The following DPH6 variants were observed in gnomAD, a reference collection of about 807,000 sequenced individuals.
DPH6 encodes the protein diphthine--ammonia ligase.
A neutral mutation model predicts 38.2 loss-of-function variants in DPH6; 33 were observed. The ratio of observed to expected loss-of-function variants is 0.86; its 90% confidence interval spans 0.65 to 1.15. The LOEUF is 1.15. Among genes scored for constraint, DPH6 ranks in the 50% most tolerant of loss-of-function variants. The pLI is 0.00. For missense variants in DPH6, 325 were observed against 320.0 expected, an observed-to-expected ratio of 1.02 and a Z score of -0.12; for synonymous variants, 108 against 103.0, an observed-to-expected ratio of 1.05 and a Z score of -0.30.
At chr15:35,303,186 G>T (rs1004657348) in intron 3 of DPH6, among the ~76,000 whole-genome samples, 2 of 152,040 alleles carry the variant, frequency 1.3e-5, no homozygotes, top group Non-Finnish European at 2.9e-5. Flanking sequence ...TGCTGTGGCA[G>T]GGTGCTCCAG....
the DPH6 span, among the ~76,000 whole-genome samples, chr15:35,172,343 C>T: frequency 5.2e-4 from 79 of 152,294 alleles, no homozygotes; most frequent in African/African-American, 1.9e-3. Flanking sequence ...CATTTTCTTA[C>T]ACTTATTTAC....
chr15:35,326,099 AG>A, downstream of DPH6, among the ~76,000 whole-genome samples: 1 of 152,220 alleles, frequency 6.6e-6, no homozygotes, highest in East Asian at 1.9e-4. Context: ...TGATGGAAGT[AG>A]AAATTGGCAC....
chr15:35,367,581 T>G (rs2052671861), downstream of DPH6, among the ~76,000 whole-genome samples: 1 of 151,854 alleles, frequency 6.6e-6, no homozygotes, highest in African/African-American at 2.4e-5. Flanking sequence ...CAAAGAAATT[T>G]TAATATATTT....
Position 35,241,047 on chromosome 15 carries a change from G to A in DPH6, n.201-20465C>T, listed in dbSNP as rs538442175. Among the ~76,000 whole-genome samples the A allele has an allele frequency of 1.3e-3, 184 of 142,808 alleles. 20 individuals are homozygous for A. Among genetic ancestry groups the A allele is most frequent in the African/African-American group, 4.4e-3 (173 of 39,428 alleles). 93.7% of individuals were successfully genotyped at this position (142,808 alleles called of 152,430 possible). A position where few individuals can be genotyped will look rare whatever the true frequency, so the allele number is the denominator to read the frequency against. Reference sequence around the variant, plus strand: ...CTCCTCCCACAGGAGCTTGCTACACGTGCCGGAAATCTGACCACCAGGCCA... The same window carrying A: ...CTCCTCCCACAGGAGCTTGCTACACATGCCGGAAATCTGACCACCAGGCCA... On this transcript the variant is annotated intron_variant and non_coding_transcript_variant, in intron 3 of 3. Coordinates refer to the DPH6 transcript ENST00000560386.
chr15:35,255,718 T>C (rs1342010730), intron 3 of DPH6, among the ~76,000 whole-genome samples: 1 of 151,896 alleles, frequency 6.6e-6, no homozygotes, highest in Non-Finnish European at 1.5e-5. Context: ...CGTCTTGAAA[T>C]TTTTTTTGAC....
intron 3 of DPH6, among the ~76,000 whole-genome samples, chr15:35,482,792 C>T (rs1319791475): frequency 2.0e-5 from 3 of 151,936 alleles, no homozygotes; most frequent in African/African-American, 7.2e-5. Context: ...AGCTTAGAAA[C>T]ACCAAAAGCA....
chr15:35,502,063 T>C (rs2054634449), intron 3 of DPH6, among the ~76,000 whole-genome samples: 1 of 152,122 alleles, frequency 6.6e-6, no homozygotes, highest in Non-Finnish European at 1.5e-5. Flanking sequence ...ATGCTCAGAA[T>C]ATGGGGAAAA....
the DPH6 span, among the ~76,000 whole-genome samples, chr15:35,209,905 T>G: frequency 6.6e-6 from 1 of 152,190 alleles, no homozygotes; most frequent in Non-Finnish European, 1.5e-5. Flanking sequence ...AGGCTAGAAA[T>G]AAAATAGATA....
chr15:35,374,605 C>T (rs987674964), intron 7 of DPH6, among the ~76,000 whole-genome samples: 2 of 151,950 alleles, frequency 1.3e-5, no homozygotes, highest in Non-Finnish European at 2.9e-5. Context: ...GATTAAAAAC[C>T]CCAATTATCA....
At chr15:35,328,681 AG>A (rs749879745), downstream of DPH6, among the ~76,000 whole-genome samples, 1 of 152,244 alleles carries the variant, frequency 6.6e-6, no homozygotes, top group Non-Finnish European at 1.5e-5. Context: ...CTTAATATTG[AG>A]AAGTTTTAAA....
intron 3 of DPH6, among the ~76,000 whole-genome samples, chr15:35,529,170 A>C (rs2055048519): frequency 6.6e-6 from 1 of 152,154 alleles, no homozygotes; most frequent in South Asian, 2.1e-4. Flanking sequence ...CTGCTACCTG[A>C]GGCTGGGTAG....
chr15:35,400,859 T>G, intron 6 of DPH6: 1 of 819,680 alleles, frequency 1.2e-6, no homozygotes, highest in South Asian at 1.3e-5. Context: ...TCCAGGGGCT[T>G]TGGGTTTGTC....
chr15:35,256,352 T>C (rs1469311887), intron 3 of DPH6, among the ~76,000 whole-genome samples: 1 of 152,194 alleles, frequency 6.6e-6, no homozygotes, highest in Non-Finnish European at 1.5e-5. Context: ...GACAGTTTTG[T>C]AGTACTAGTC....
At chr15:35,198,137 GTT>G in the DPH6 span, among the ~76,000 whole-genome samples, 1 of 146,952 alleles carries the variant, frequency 6.8e-6, no homozygotes, top group South Asian at 2.2e-4. Context: ...TACTCTAGTT[GTT>G]TTTTTTTTCT....
intron 5 of DPH6, 145 bp from the exon 6 acceptor site, chr15:35,411,041 G>C (rs1460278151): frequency 4.6e-6 from 3 of 648,336 alleles, no homozygotes; most frequent in Non-Finnish European, 7.3e-6. Flanking sequence ...AATGTACTTT[G>C]CTAGTATTTA....
chr15:35,425,441 A>G (rs904631070), intron 5 of DPH6, among the ~76,000 whole-genome samples: 2 of 151,618 alleles, frequency 1.3e-5, no homozygotes, highest in African/African-American at 2.4e-5. Flanking sequence ...TCATACTAGC[A>G]TTCATTAAAA....
chr15:35,538,571 G>T, intron 2 of DPH6, 104 bp from the exon 3 acceptor site: 1 of 993,948 alleles, frequency 1.0e-6, no homozygotes, highest in Non-Finnish European at 1.4e-6. Context: ...CACAGAACTT[G>T]AAAGCTTGCT....
rs139897849 is a variant in DPH6 at position 35,453,554 on chromosome 15, A to T, written c.386+1193T>A. On this transcript the variant is annotated intron_variant, in intron 4 of 8. Coordinates refer to ENST00000256538, the MANE Select transcript of DPH6 (RefSeq NM_080650.4). Reference sequence around the variant, plus strand: ...CTCCATCTGCAGATCAGTTGTTCTCAACGGTAGATCTACATCTAGGTAGAA... The same window carrying T: ...CTCCATCTGCAGATCAGTTGTTCTCTACGGTAGATCTACATCTAGGTAGAA... Among the ~76,000 whole-genome samples, 640 of 152,242 alleles carry T rather than the reference A, an allele frequency of 4.2e-3. 13 individuals carry two copies. Among genetic ancestry groups the T allele is most frequent in the Non-Finnish European group, 5.0e-3 (339 of 67,974 alleles).
chr15:35,246,768 C>T (rs577377406), intron 3 of DPH6, among the ~76,000 whole-genome samples: 3 of 152,144 alleles, frequency 2.0e-5, no homozygotes, highest in Non-Finnish European at 2.9e-5. Flanking sequence ...ATGGCTCAGA[C>T]GTGGGAAGCT....
Sources: allele counts gnomAD v4.1 joint callset (sites outside exome capture counted in the v4.1 genomes callset), GRCh38; gene constraint gnomAD v4.1.1; transcripts MANE v1.5; gene names NCBI Gene and HGNC (gene_info 2026-07-23, HGNC 2026-07-21).